The following BDP1 variants were observed in gnomAD, a reference collection of about 807,000 sequenced individuals.
BDP1 encodes transcription factor TFIIIB component B'' homolog.
A neutral mutation model predicts 266.6 loss-of-function variants in BDP1; 169 were observed. That is an observed-to-expected ratio of 0.63 (90% CI 0.56 to 0.72). The LOEUF (loss-of-function observed/expected upper bound fraction) is 0.72. Ranked by LOEUF, BDP1 falls within the 30% of genes least tolerant of loss-of-function variation. The pLI is 0.00. For missense variants in BDP1, 3,015 were observed against 3,053.8 expected, an observed-to-expected ratio of 0.99 and a Z score of 0.30; for synonymous variants, 1,090 against 1,022.4, an observed-to-expected ratio of 1.07 and a Z score of -1.26.
chr5:71,531,726 C>A (rs1436556348), intron 25 of BDP1, among the ~76,000 whole-genome samples: 5 of 152,274 alleles, frequency 3.3e-5, no homozygotes, highest in Middle Eastern at 3.4e-3. Flanking sequence ...CCAGGCTGGT[C>A]TTGAACTCCT....
chr5:71,552,816 G>A (rs424791), intron 34 of BDP1, among the ~76,000 whole-genome samples: 1 of 151,710 alleles, frequency 6.6e-6, no homozygotes, highest in African/African-American at 2.4e-5. Context: ...CGTGGAAAGA[G>A]AGGGAGAGGG....
At chr5:71,536,121 G>C (rs1335349337) in intron 26 of BDP1, among the ~76,000 whole-genome samples, 3 of 151,976 alleles carry the variant, frequency 2.0e-5, no homozygotes, top group African/African-American at 7.3e-5. Flanking sequence ...TCTTATTCCT[G>C]ATCTTAGGGG....
In BDP1 at chr5:71,495,388, T is replaced by A. The variant is rs1277981875; in HGVS notation, c.1779T>A (p.Val593=). Residue 593 remains valine, a synonymous_variant, in exon 12 of 39, where the codon GTT becomes GTA. Coordinates refer to ENST00000358731, the MANE Select transcript of BDP1 (RefSeq NM_018429.3). ...GTAGTTGTATAGAAGAAAGAAATGT[T>A]GACCTAAAAAATAATTCACTGTAAG... ...AEGSCIEERN[V]DLKNNSLEID... 1 of 1,580,418 alleles carries A rather than the reference T, an allele frequency of 6.3e-7. No individual in the cohort carries two copies.
chr5:71,491,482 CTGTG>C (rs371887517), intron 11 of BDP1, among the ~76,000 whole-genome samples: 13 of 151,104 alleles, frequency 8.6e-5, no homozygotes, highest in Non-Finnish European at 1.3e-4. Flanking sequence ...ATGTGTCTTG[CTGTG>C]TGTGTGTGTG....
At chr5:71,571,127 A>G (rs1444678193), downstream of BDP1, among the ~76,000 whole-genome samples, 1 of 152,198 alleles carries the variant, frequency 6.6e-6, no homozygotes, top group Non-Finnish European at 1.5e-5. Flanking sequence ...GCTATGTTAT[A>G]TGCAAATACT....
In BDP1 at chr5:71,562,591, A is replaced by G. The variant is rs564425673; in HGVS notation, c.7743+71A>G. 1.8e-4 allele frequency: 271 copies of G among 1,535,776 alleles called. 3 individuals carry two copies. The African/African-American group carries it at 2.4e-3, about 14-fold the overall frequency. On this transcript the variant is annotated intron_variant, in intron 38 of 38. Transcript: ENST00000358731. ...GATATGAGATTCAACTAGGGAAAACATAGTAATTTGTTATTTTTATTTGAT... is the reference window on the plus strand; with the variant it reads ...GATATGAGATTCAACTAGGGAAAACGTAGTAATTTGTTATTTTTATTTGAT...
Position 71,510,972 on chromosome 5 carries a change from G to A in BDP1, c.3880G>A (p.Gly1294Arg), listed in dbSNP as rs1386232286. ...ETGKENFRER[G>R]SEEICVTEEK... ...TGGAAAAGAAAATTTTAGAGAGAGA[G>A]GATCTGAAGAGATCTGTGTTACTGA... Residue 1294 changes from glycine (G) to arginine (R), a missense_variant, in exon 17 of 39, where the codon GGA (glycine) becomes AGA (arginine). Around this residue, in one of 3 missense-constraint regions of BDP1, gnomAD observed 2,383 missense variants for 2,404.9 expected, o/e 0.99. Coordinates refer to ENST00000358731, the MANE Select transcript of BDP1 (RefSeq NM_018429.3). The A allele has an allele frequency of 9.9e-6, 16 of 1,613,782 alleles. No homozygotes were observed. The Admixed American group carries it at 2.2e-4, about 22-fold the overall frequency.
intron 26 of BDP1, chr5:71,537,612 G>T: frequency 6.3e-6 from 1 of 159,140 alleles, no homozygotes. Flanking sequence ...TTGTTTCTCT[G>T]TTTTCTGTAG....
At chr5:71,499,410 A>T (rs1319634162) in intron 13 of BDP1, among the ~76,000 whole-genome samples, 1 of 152,196 alleles carries the variant, frequency 6.6e-6, no homozygotes, top group Non-Finnish European at 1.5e-5. Context: ...TTAGGCCAGG[A>T]GTTTGAAACC....
chr5:71,570,403 AGGGACTTTGGGTCT>A (rs371681310), downstream of BDP1, among the ~76,000 whole-genome samples: 60 of 152,316 alleles, frequency 3.9e-4, no homozygotes, highest in African/African-American at 1.3e-3. Context: ...CCCTCAGTCA[AGGGACTTTGGGTCT>A]ATAACCTGAT....
At chr5:71,501,761 A>G (rs756772925) in intron 14 of BDP1, 108 bp downstream of exon 14, 24 of 705,694 alleles carry the variant, frequency 3.4e-5, no homozygotes, top group Admixed American at 3.2e-4. Flanking sequence ...ATTTTCAAGC[A>G]GCATACTTTA....
At chr5:71,525,218 G>A (rs1765729903) in intron 25 of BDP1, among the ~76,000 whole-genome samples, 1 of 151,626 alleles carries the variant, frequency 6.6e-6, no homozygotes, top group South Asian at 2.1e-4. Flanking sequence ...CGGCCGGGCA[G>A]AGGCGCCCCT....
intron 7 of BDP1, among the ~76,000 whole-genome samples, chr5:71,479,598 G>T (rs1229566874): frequency 2.6e-5 from 4 of 151,518 alleles, no homozygotes; most frequent in African/African-American, 7.3e-5. Flanking sequence ...CCAGGCCAGA[G>T]TGCAGTGGCG....
rs903223764 is a variant in BDP1 at position 71,562,584 on chromosome 5, G to A, written c.7743+64G>A. On this transcript the variant is annotated intron_variant, in intron 38 of 38. Transcript: ENST00000358731. The stretch of plus-strand genomic sequence containing the variant: ...TGGGTTGGATATGAGATTCAACTAG[G>A]GAAAACATAGTAATTTGTTATTTTT... The A allele has an allele frequency of 2.6e-6, 4 of 1,542,310 alleles. No homozygotes were observed. In the African/African-American group the frequency reaches 5.5e-5, roughly 21 times the overall value.
Position 71,495,400 on chromosome 5 carries a change from T to C in BDP1, c.1791T>C (p.Asn597=). 1.3e-6 allele frequency: 2 copies of C among 1,570,608 alleles called. No homozygotes were observed. Among genetic ancestry groups the C allele is most frequent in the Non-Finnish European group, 1.7e-6 (2 of 1,155,352 alleles). ...CIEERNVDLK[N]NSLEIDQTEN... is the part of the protein sequence containing the mutation. Reference sequence around the variant, plus strand: ...AAGAAAGAAATGTTGACCTAAAAAATAATTCACTGTAAGTATTTTATACGA... The same window carrying C: ...AAGAAAGAAATGTTGACCTAAAAAACAATTCACTGTAAGTATTTTATACGA... The change falls in exon 12 of 39, where the codon AAT becomes AAC. Residue 597 remains asparagine, a synonymous_variant. Transcript: ENST00000358731.
Position 71,565,108 on chromosome 5 carries a change from A to C in BDP1, c.*223A>C. The C allele has an allele frequency of 2.1e-6, 1 of 470,300 alleles. No individual in the cohort carries two copies. The highest frequency in any genetic ancestry group is 3.7e-6 in the Non-Finnish European group (1 of 267,126). 29.1% of individuals were successfully genotyped at this position (470,300 alleles called of 1,614,324 possible). A position where few individuals can be genotyped will look rare whatever the true frequency, so the allele number is the denominator to read the frequency against. On this transcript the variant is annotated 3_prime_UTR_variant, in exon 39 of 39. Transcript: ENST00000358731. ...AGCATTTTGCAAATAGCAAGCAATT[A>C]AGACTGCTTTCTCAGACAGAAATAA...
intron 5 of BDP1, among the ~76,000 whole-genome samples, chr5:71,466,874 C>T (rs147153227): frequency 2.0e-5 from 3 of 152,020 alleles, no homozygotes; most frequent in Admixed American, 6.6e-5. Flanking sequence ...AAATGTAATA[C>T]TGCTAATAAT....
rs1266571839 is a variant in BDP1, at chr5:71,548,702, A to G, written c.6765A>G (p.Pro2255=). ...GGCAGTATACACCAACAAGTATTCC[A>G]GAAGTCCAACAAGAGAATATAATCA... The part of the protein sequence containing the change: ...PVPEYTPTSI[P]EVQQENIINP... Residue 2255 remains proline (P), a synonymous_variant, in exon 33 of 39, where the codon CCA becomes CCG. Transcript: ENST00000358731. The G allele has an allele frequency of 1.2e-5, 20 of 1,608,260 alleles. No individual in the cohort carries two copies. The highest frequency in any genetic ancestry group is 1.7e-5 in the Non-Finnish European group (20 of 1,175,232).
intron 16 of BDP1, among the ~76,000 whole-genome samples, chr5:71,508,446 A>G (rs1267800414): frequency 6.7e-6 from 1 of 148,994 alleles, no homozygotes; most frequent in Admixed American, 6.8e-5. Context: ...CTGGGACTAC[A>G]GGTGCACGCC....
Sources: allele counts gnomAD v4.1 joint callset (sites outside exome capture counted in the v4.1 genomes callset), GRCh38; gene constraint gnomAD v4.1.1; regional missense constraint gnomAD v4.1.1; transcripts MANE v1.5; gene names NCBI Gene and HGNC (gene_info 2026-07-23, HGNC 2026-07-21).